ADAMTSL1: variants seen among roughly 807,000 people sequenced by gnomAD.
The protein encoded by ADAMTSL1 is ADAMTS like 1, also known as ADAMTS-like protein 1.
ADAMTSL1 carries 126 observed loss-of-function variants against 201.8 expected under a neutral mutation model. The observed-to-expected ratio is 0.62, with a 90% CI of 0.54 to 0.72. ADAMTSL1 has a LOEUF of 0.72. ADAMTSL1 is among the 30% of genes least tolerant of loss of function. The probability of loss-of-function intolerance (pLI) is 0.00; values close to 1 mark genes in which losing one functional copy is unlikely to be tolerated. For synonymous variants in ADAMTSL1, 1,121 were observed against 903.4 expected (o/e 1.24, Z -4.32); for missense variants, 2,679 against 2,277.8 (o/e 1.18, Z -3.59).
At chr9:18,742,619 G>A (rs916629947) in intron 15 of ADAMTSL1, among the ~76,000 whole-genome samples, 16 of 152,172 alleles carry the variant, frequency 1.1e-4, no homozygotes, top group Non-Finnish European at 2.1e-4. Flanking sequence ...CCTTGATCTT[G>A]AGGTAGGAAC....
intron 19 of ADAMTSL1, among the ~76,000 whole-genome samples, chr9:18,795,145 G>A (rs1412700282): frequency 6.6e-6 from 1 of 152,178 alleles, no homozygotes; most frequent in Admixed American, 6.5e-5. Flanking sequence ...CCAGCTGGTA[G>A]CATTTAGATC....
chr9:18,057,041 G>A (rs1170904949), intron 1 of ADAMTSL1, among the ~76,000 whole-genome samples: 1 of 152,156 alleles, frequency 6.6e-6, no homozygotes, highest in Non-Finnish European at 1.5e-5. Flanking sequence ...GCTTTAAGGG[G>A]CATCTGGAAA....
intron 19 of ADAMTSL1, among the ~76,000 whole-genome samples, chr9:18,792,732 C>G (rs1382757860): frequency 1.3e-5 from 2 of 152,160 alleles, no homozygotes; most frequent in Non-Finnish European, 1.5e-5. Context: ...TCTAAAACAG[C>G]TTGAACACCT....
At chr9:18,001,010 A>G (rs1217648357) in intron 1 of ADAMTSL1, among the ~76,000 whole-genome samples, 1 of 152,048 alleles carries the variant, frequency 6.6e-6, no homozygotes, top group African/African-American at 2.4e-5. Context: ...TCAGGACTGT[A>G]TCCAGTTGGG....
intron 2 of ADAMTSL1, among the ~76,000 whole-genome samples, chr9:18,302,120 C>G (rs1003858425): frequency 1.9e-4 from 29 of 152,300 alleles, no homozygotes; most frequent in African/African-American, 7.0e-4. Context: ...TATGTGACTT[C>G]TCTCTTTTTT....
chr9:18,664,696 T>G (rs1422086027), intron 9 of ADAMTSL1, among the ~76,000 whole-genome samples: 1 of 152,030 alleles, frequency 6.6e-6, no homozygotes, highest in Non-Finnish European at 1.5e-5. Context: ...ACAGCCAACT[T>G]TATTCCCTAT....
intron 7 of ADAMTSL1, among the ~76,000 whole-genome samples, chr9:18,646,749 C>T (rs1827838322): frequency 6.6e-6 from 1 of 152,144 alleles, no homozygotes; most frequent in African/African-American, 2.4e-5. Context: ...CCCACTTGAT[C>T]ATGGTGGATA....
intron 13 of ADAMTSL1, chr9:18,685,081 C>A: frequency 2.4e-6 from 2 of 830,354 alleles, no homozygotes; most frequent in Non-Finnish European, 3.0e-6. Context: ...CGCAAGGGGC[C>A]AAAGGTGAGA....
chr9:18,844,381 A>G (rs1825944493), intron 23 of ADAMTSL1, among the ~76,000 whole-genome samples: 1 of 152,082 alleles, frequency 6.6e-6, no homozygotes, highest in Non-Finnish European at 1.5e-5. Context: ...CTGCTGTCTG[A>G]TCGTTCCTCT....
At chr9:18,299,190 A>G (rs751240926) in intron 2 of ADAMTSL1, among the ~76,000 whole-genome samples, 16 of 152,078 alleles carry the variant, frequency 1.1e-4, no homozygotes, top group Non-Finnish European at 2.2e-4. Flanking sequence ...CATACAGCTA[A>G]TAAGTGTGAG....
At chr9:18,053,476 AATTTTTAAAAACAAAGTCC>A (rs1822031607) in intron 1 of ADAMTSL1, among the ~76,000 whole-genome samples, 1 of 152,198 alleles carries the variant, frequency 6.6e-6, no homozygotes, top group Non-Finnish European at 1.5e-5. Context: ...ACAATCTCTT[AATTTTTAAAAACAAAGTCC>A]ATTTTCTGAT....
chr9:18,167,669 T>C (rs569940947), intron 2 of ADAMTSL1, among the ~76,000 whole-genome samples: 1 of 152,082 alleles, frequency 6.6e-6, no homozygotes, highest in East Asian at 1.9e-4. Context: ...AATACATACA[T>C]TCTCAAGTAA....
rs530460443 is a variant in ADAMTSL1, at chr9:18,729,784, C to T, written c.2006+8119C>T. ...CACTCTATTTTCTAAATCTTGGATG[C>T]CTTAAGTGCTGCTCTTCTTAAGACA... On this transcript the variant is annotated intron_variant, in intron 15 of 28. Transcript: ENST00000380548. Among the ~76,000 whole-genome samples, 9 of 152,244 alleles carry T rather than the reference C, an allele frequency of 5.9e-5. No individual in the cohort carries two copies. In the East Asian group the frequency reaches 1.2e-3, roughly 20 times the overall value.
chr9:18,541,069 T>G (rs1342966506), intron 3 of ADAMTSL1, among the ~76,000 whole-genome samples: 1 of 152,204 alleles, frequency 6.6e-6, no homozygotes, highest in Non-Finnish European at 1.5e-5. Context: ...GACATTGCTC[T>G]CATGTTAAAG....
At chr9:18,422,132 G>A (rs201248499) in intron 2 of ADAMTSL1, among the ~76,000 whole-genome samples, 2 of 152,138 alleles carry the variant, frequency 1.3e-5, no homozygotes, top group African/African-American at 4.8e-5. Flanking sequence ...TCTCCCTGGT[G>A]ATTTTCTTTA....
chr9:18,059,105 T>C (rs941694033), intron 1 of ADAMTSL1, among the ~76,000 whole-genome samples: 67 of 152,330 alleles, frequency 4.4e-4, no homozygotes, highest in African/African-American at 1.6e-3. Context: ...TCTTTCCAAA[T>C]ATCCCCAGTT....
intron 4 of ADAMTSL1, among the ~76,000 whole-genome samples, chr9:18,581,843 C>T (rs1361745132): frequency 2.6e-5 from 4 of 152,210 alleles, no homozygotes; most frequent in Non-Finnish European, 4.4e-5. Flanking sequence ...ATCTATGTGC[C>T]TGCCAAGGAG....
intron 1 of ADAMTSL1, among the ~76,000 whole-genome samples, chr9:17,998,381 G>A (rs979789826): frequency 6.6e-6 from 1 of 151,916 alleles, no homozygotes; most frequent in African/African-American, 2.4e-5. Context: ...GCAGAGCTAG[G>A]GTAGATAGGG....
intron 1 of ADAMTSL1, among the ~76,000 whole-genome samples, chr9:17,964,345 C>A (rs1010207431): frequency 6.6e-6 from 1 of 152,072 alleles, no homozygotes; most frequent in Non-Finnish European, 1.5e-5. Flanking sequence ...ATTCTCCAAC[C>A]CCTACAAACA....
Sources: allele counts gnomAD v4.1 joint callset (sites outside exome capture counted in the v4.1 genomes callset), GRCh38; gene constraint gnomAD v4.1.1; transcripts MANE v1.5; gene names NCBI Gene and HGNC (gene_info 2026-07-23, HGNC 2026-07-21).